The following ZNF133 variants were observed in gnomAD, a reference collection of about 807,000 sequenced individuals.
ZNF133 encodes the protein zinc finger protein 133 (clone pHZ-13).
A neutral mutation model predicts 54.9 loss-of-function variants in ZNF133; 26 were observed. The ratio of observed to expected loss-of-function variants is 0.47; its 90% CI spans 0.35 to 0.66. ZNF133 has a LOEUF of 0.66. ZNF133 is among the 30% of genes least tolerant of loss of function. The pLI, the probability that ZNF133 is intolerant of heterozygous loss-of-function variation, is 0.01. For synonymous variants in ZNF133, 298 were observed against 320.3 expected (o/e 0.93, Z 0.74); for missense variants, 653 against 820.8 (o/e 0.80, Z 2.50).
At position 18,315,473 on chromosome 20, in the gene ZNF133, G is replaced by A. The variant is rs2047245144; in HGVS notation, c.622G>A (p.Val208Ile). The change falls in exon 7 of 7, where the codon GTC becomes ATC. Residue 208 changes from valine to isoleucine, a missense_variant. Val to Ile is a conservative substitution (Grantham distance 29). Around this residue, in one of 4 missense-constraint regions of ZNF133, gnomAD observed 292 missense variants for 431.6 expected, o/e 0.68. Transcript: ENST00000425686. ...AGACAAATTGTTGAAGAGGATAGAA[G>A]TCTTAGGATTTGGAACAGTCAACTG... is the stretch of plus-strand genomic sequence containing the variant. ...ETDKLLKRIEVLGFGTVNCGE... is the reference protein window; with the variant it reads ...ETDKLLKRIEILGFGTVNCGE... 2 of 1,614,226 alleles carry A rather than the reference G, an allele frequency of 1.2e-6. No individual in the cohort carries two copies. The highest frequency in any genetic ancestry group is 1.7e-6 in the Non-Finnish European group (2 of 1,180,044).
Position 18,313,274 on chromosome 20 carries a change from A to G in ZNF133, c.218-1795A>G, listed in dbSNP as rs1212067588. On this transcript the variant is annotated intron_variant, in intron 6 of 6. Transcript: ENST00000425686. ...AGTTTTGTTTTTCTTCTGTCACTCC[A>G]TACAAATGTTAAAACCATGTTGAAT... 5.3e-5 allele frequency: 8 copies of G among 152,364 alleles called. No individual in the cohort carries two copies. The South Asian group carries it at 1.7e-3, about 32-fold the overall frequency. The allele number at this position is 152,364 out of a possible 1,614,324, so 9.4% of individuals were successfully genotyped here.
intron 3 of ZNF133, among the ~76,000 whole-genome samples, chr20:18,304,224 A>T (rs904253237): frequency 6.6e-6 from 1 of 152,228 alleles, no homozygotes; most frequent in Non-Finnish European, 1.5e-5. Context: ...ACCAATTAGT[A>T]TGGCTATTAC....
At chr20:18,294,287 A>G (rs2041768038) in intron 1 of ZNF133, among the ~76,000 whole-genome samples, 1 of 152,200 alleles carries the variant, frequency 6.6e-6, no homozygotes, top group Admixed American at 6.5e-5. Context: ...GGACAAACCA[A>G]AACTGAGGGA....
intron 1 of ZNF133, among the ~76,000 whole-genome samples, chr20:18,290,535 T>G (rs1289584598): frequency 6.6e-6 from 1 of 152,208 alleles, no homozygotes; most frequent in Non-Finnish European, 1.5e-5. Flanking sequence ...TACAATTATA[T>G]TTTGTTATAC....
intron 1 of ZNF133, among the ~76,000 whole-genome samples, chr20:18,293,224 A>G (rs553124994): frequency 1.3e-5 from 2 of 152,342 alleles, no homozygotes; most frequent in African/African-American, 4.8e-5. Context: ...AGCGGATGTG[A>G]TCAGCTGAGA....
chr20:18,315,538 G>T lies in ZNF133; in HGVS notation c.687G>T (p.Leu229=). Residue 229 remains leucine (L), a synonymous_variant, in exon 7 of 7, where the codon CTG becomes CTT. Coordinates refer to ENST00000425686, the MANE Select transcript of ZNF133 (RefSeq NM_001352452.2). ...CGLSFSKMTN[L]LSHQRIHSGE... Reference sequence around the variant, plus strand: ...TGAGCTTCAGCAAGATGACAAACCTGCTCAGTCACCAGCGGATACACTCAG... The same window carrying T: ...TGAGCTTCAGCAAGATGACAAACCTTCTCAGTCACCAGCGGATACACTCAG... The T allele has an allele frequency of 6.2e-7, 1 of 1,614,204 alleles. No homozygotes were observed.
intron 6 of ZNF133, among the ~76,000 whole-genome samples, chr20:18,307,053 A>AC (rs200269479): frequency 2.6e-4 from 34 of 129,010 alleles, no homozygotes; most frequent in African/African-American, 1.2e-3. Context: ...AGTTCCAATC[A>AC]CCCCCCCTCC....
intron 1 of ZNF133, among the ~76,000 whole-genome samples, chr20:18,289,642 T>C (rs1426930076): frequency 6.6e-6 from 1 of 152,210 alleles, no homozygotes; most frequent in Non-Finnish European, 1.5e-5. Context: ...GATTTTATCC[T>C]AAAGAGGATA....
intron 1 of ZNF133, among the ~76,000 whole-genome samples, chr20:18,292,768 G>A (rs2041337065): frequency 6.6e-6 from 1 of 152,106 alleles, no homozygotes; most frequent in Non-Finnish European, 1.5e-5. Context: ...GTATCCCCAG[G>A]GTTTAAAATA....
In ZNF133 at chr20:18,298,025, GA is replaced by G; in HGVS notation, c.-384del. 1.4e-6 allele frequency: 2 copies of G among 1,466,300 alleles called. No homozygotes were observed. The highest frequency in any genetic ancestry group is 2.1e-5 in the Admixed American group (1 of 48,710). 90.8% of individuals were successfully genotyped at this position (1,466,300 alleles called of 1,614,324 possible). On this transcript the variant is annotated 5_prime_UTR_variant, in exon 2 of 7. Transcript: ENST00000425686. Reference sequence around the variant, plus strand: ...TATCATCCTTCTTCAGGGAGATAAGGAAAAAAAGCCACAGGGTCCCGGAGAG... The same window carrying G: ...TATCATCCTTCTTCAGGGAGATAAGGAAAAAAGCCACAGGGTCCCGGAGAG...
chr20:18,291,533 G>A (rs1001823485), intron 1 of ZNF133, among the ~76,000 whole-genome samples: 4 of 151,918 alleles, frequency 2.6e-5, no homozygotes, highest in Admixed American at 1.3e-4. Context: ...TTTCCACCGT[G>A]GAAAAGGCCC....
chr20:18,302,991 G>C, intron 3 of ZNF133, among the ~76,000 whole-genome samples: 1 of 151,504 alleles, frequency 6.6e-6, no homozygotes, highest in East Asian at 1.9e-4. Context: ...ACAAAATACT[G>C]CTGAAAGAAA....
chr20:18,308,824 G>A (rs908734992), intron 6 of ZNF133, among the ~76,000 whole-genome samples: 9 of 152,198 alleles, frequency 5.9e-5, no homozygotes, highest in Non-Finnish European at 2.9e-5. Flanking sequence ...GTTGACTGAG[G>A]CAGATGAGTA....
intron 1 of ZNF133, among the ~76,000 whole-genome samples, chr20:18,293,253 CTATGGCTGCA>C (rs2041471346): frequency 6.6e-6 from 1 of 152,240 alleles, no homozygotes; most frequent in South Asian, 2.1e-4. Context: ...ATGCATCTTG[CTATGGCTGCA>C]GTCATTTGGG....
rs2044591235 is a variant in ZNF133 at position 18,306,359 on chromosome 20, A to G, written c.183A>G (p.Arg61=). The stretch of plus-strand genomic sequence containing the variant: ...TGGAGCAAGGGAAAGAGACCTGGAG[A>G]GAGGAAAAAAAATGTTCACCGGCAA... The part of the protein sequence containing the change: ...TQLEQGKETW[R]EEKKCSPATC... Residue 61 remains arginine (R), a synonymous_variant, in exon 6 of 7, where the codon AGA becomes AGG. Transcript: ENST00000425686. 3 of 1,613,884 alleles carry G rather than the reference A, an allele frequency of 1.9e-6. No homozygotes were observed. The East Asian group carries it at 6.7e-5, about 36-fold the overall frequency.
chr20:18,299,509 C>A lies in ZNF133; in HGVS notation c.-178+1045C>A, dbSNP rs543563366. 2.0e-5 allele frequency among the ~76,000 whole-genome samples: 3 copies of A among 152,192 alleles called. No homozygotes were observed. The South Asian group carries it at 6.2e-4, about 32-fold the overall frequency. ...TTCCCAGGAGAAGACAAAAAAGGGA[C>A]AGAGAGATTGTTTGAAGAAATAATG... On this transcript the variant is annotated intron_variant, in intron 3 of 6. Transcript: ENST00000425686.
At chr20:18,312,742 T>G (rs1466774050) in intron 6 of ZNF133, 1 of 152,164 alleles carries the variant, frequency 6.6e-6, no homozygotes, top group African/African-American at 2.4e-5. Context: ...TGAGACAGAA[T>G]CTTGCTCTGT....
intron 1 of ZNF133, chr20:18,290,092 T>G (rs2040606763): frequency 6.6e-6 from 1 of 152,300 alleles, no homozygotes; most frequent in Non-Finnish European, 1.5e-5. Context: ...CCACTTACCT[T>G]TTGCATTTCG....
Position 18,305,104 on chromosome 20 carries a change from T to A in ZNF133, c.-81T>A, listed in dbSNP as rs919005271. The A allele has an allele frequency of 2.0e-6, 2 of 985,394 alleles. No homozygotes were observed. The highest frequency in any genetic ancestry group is 2.4e-6 in the Non-Finnish European group (2 of 830,054). 61.0% of individuals were successfully genotyped at this position (985,394 alleles called of 1,614,324 possible). ...TGCAAAGATGAATTTTTGGACTGAG[T>A]GGCCAAGAAGCTCCATGGTGAGCAC... On this transcript the variant is annotated 5_prime_UTR_variant, in exon 4 of 7. Coordinates refer to ENST00000425686, the MANE Select transcript of ZNF133 (RefSeq NM_001352452.2). This position sits in a 1 kb window ranked among gnomAD's most constrained non-coding sequence, Gnocchi z 4.7.
Sources: allele counts gnomAD v4.1 joint callset (sites outside exome capture counted in the v4.1 genomes callset), GRCh38; gene constraint gnomAD v4.1.1; regional missense constraint gnomAD v4.1.1; non-coding constraint Gnocchi (gnomAD v3.1); transcripts MANE v1.5; gene names NCBI Gene and HGNC (gene_info 2026-07-23, HGNC 2026-07-21).